Variants in TTLL11 observed in about 807,000 individuals in gnomAD.
TTLL11 encodes the protein tubulin polyglutamylase TTLL11.
In TTLL11, 42 loss-of-function variants were observed where a neutral mutation model predicts 51.7. The ratio of observed to expected loss-of-function variants is 0.81; its 90% CI spans 0.64 to 1.05. TTLL11 has a LOEUF of 1.05. TTLL11 is among the 50% of genes least tolerant of loss of function. TTLL11 has a pLI of 0.00. For synonymous variants in TTLL11, 381 were observed against 383.5 expected, an observed-to-expected ratio of 0.99 and a Z score of 0.08; for missense variants, 799 against 940.4, an observed-to-expected ratio of 0.85 and a Z score of 1.97.
intron 6 of TTLL11, among the ~76,000 whole-genome samples, chr9:121,904,140 A>G (rs570598396): frequency 2.6e-5 from 4 of 152,030 alleles, no homozygotes; most frequent in Admixed American, 2.6e-4. Flanking sequence ...CATAATGATC[A>G]TCCAAGGGAC....
chr9:122,073,875 T>C (rs535034809), intron 1 of TTLL11, among the ~76,000 whole-genome samples: 3 of 152,322 alleles, frequency 2.0e-5, no homozygotes, highest in East Asian at 1.9e-4. Context: ...ATACTTCCAA[T>C]AGGGCTCTTA....
chr9:121,865,242 A>G (rs982464335), intron 7 of TTLL11, among the ~76,000 whole-genome samples: 6 of 152,176 alleles, frequency 3.9e-5, no homozygotes, highest in African/African-American at 1.4e-4. Flanking sequence ...GTTGCCTCTC[A>G]GAGAATAAAG....
At chr9:121,958,902 T>C (rs777660696) in intron 6 of TTLL11, among the ~76,000 whole-genome samples, 1 of 152,098 alleles carries the variant, frequency 6.6e-6, no homozygotes, top group Non-Finnish European at 1.5e-5. Context: ...AAGCAGGTGC[T>C]CTAGGGAAAC....
At chr9:121,941,626 G>A (rs1409330743) in intron 6 of TTLL11, among the ~76,000 whole-genome samples, 1 of 152,140 alleles carries the variant, frequency 6.6e-6, no homozygotes, top group Non-Finnish European at 1.5e-5. Flanking sequence ...GTAGAACTAG[G>A]AATGATGGTC....
At chr9:121,998,790 A>G (rs1170304326) in intron 3 of TTLL11, among the ~76,000 whole-genome samples, 1 of 152,090 alleles carries the variant, frequency 6.6e-6, no homozygotes, top group Non-Finnish European at 1.5e-5. Flanking sequence ...AAGACAGGCA[A>G]TAGCATTTTC....
chr9:122,052,307 G>A (rs1156502172), intron 1 of TTLL11, among the ~76,000 whole-genome samples: 1 of 152,184 alleles, frequency 6.6e-6, no homozygotes, highest in Non-Finnish European at 1.5e-5. Context: ...CTTGCCTATG[G>A]AAAATGGAGC....
At chr9:121,977,611 C>T (rs1395418216) in intron 4 of TTLL11, among the ~76,000 whole-genome samples, 1 of 152,058 alleles carries the variant, frequency 6.6e-6, no homozygotes, top group African/African-American at 2.4e-5. Flanking sequence ...TAAAATGGAA[C>T]TATGAATGTT....
At chr9:121,834,450 A>G (rs753417181) in intron 8 of TTLL11, among the ~76,000 whole-genome samples, 1 of 150,470 alleles carries the variant, frequency 6.6e-6, no homozygotes, top group Non-Finnish European at 1.5e-5. Context: ...CTGCATCTGT[A>G]AAGTGGGGAT....
intron 6 of TTLL11, among the ~76,000 whole-genome samples, chr9:121,886,136 A>G (rs1462696273): frequency 1.3e-5 from 2 of 152,172 alleles, no homozygotes; most frequent in Non-Finnish European, 2.9e-5. Context: ...AAAGCTCCAT[A>G]GAGTGTCTTA....
chr9:121,979,640 C>T (rs1446508149), intron 4 of TTLL11, among the ~76,000 whole-genome samples: 1 of 152,134 alleles, frequency 6.6e-6, no homozygotes. Context: ...CAAGTCTGTG[C>T]CACCTCTCAC....
chr9:121,934,285 G>A (rs10818612), intron 6 of TTLL11, among the ~76,000 whole-genome samples: 25,634 of 149,024 alleles, frequency 0.17, 2,242 homozygotes, highest in Middle Eastern at 0.2. Context: ...TCCATCTTGC[G>A]CTTTGGATCT....
At chr9:121,839,147 C>T (rs1166474113) in intron 8 of TTLL11, among the ~76,000 whole-genome samples, 2 of 152,234 alleles carry the variant, frequency 1.3e-5, no homozygotes, top group Admixed American at 6.5e-5. Flanking sequence ...CTCTGTCCTC[C>T]TCATTAAAAC....
At chr9:121,987,493 A>G (rs967863733) in intron 4 of TTLL11, among the ~76,000 whole-genome samples, 7 of 152,082 alleles carry the variant, frequency 4.6e-5, no homozygotes, top group Admixed American at 3.3e-4. Context: ...AGAATGTTCC[A>G]GCCTCATTCC....
At chr9:121,887,830 G>A (rs1361456702) in intron 6 of TTLL11, among the ~76,000 whole-genome samples, 1 of 152,048 alleles carries the variant, frequency 6.6e-6, no homozygotes, top group Admixed American at 6.5e-5. Flanking sequence ...TCCTTCCCTC[G>A]GCACACAGAT....
rs781610850 is a variant in TTLL11, at chr9:121,998,157, AT to A, written c.694-8388del. Among the ~76,000 whole-genome samples the A allele has an allele frequency of 3.9e-5, 6 of 152,318 alleles. No homozygotes were observed. In the East Asian group the frequency reaches 1.2e-3, roughly 29 times the overall value. On this transcript the variant is annotated intron_variant, in intron 3 of 8. Coordinates refer to ENST00000321582, the MANE Select transcript of TTLL11 (RefSeq NM_001139442.2). ...CACTTCCGAATGTATACGACTGGTT[AT>A]AGTCACAGGCGCTTCAGATCACTGG... is the stretch of plus-strand genomic sequence containing the variant.
chr9:121,935,734 T>C (rs752639004), intron 6 of TTLL11, among the ~76,000 whole-genome samples: 6 of 152,136 alleles, frequency 3.9e-5, no homozygotes, highest in Non-Finnish European at 7.3e-5. Flanking sequence ...AATTACAAAA[T>C]TGAGAGATCT....
At chr9:122,078,017 G>A (rs909970183) in intron 1 of TTLL11, among the ~76,000 whole-genome samples, 2 of 152,124 alleles carry the variant, frequency 1.3e-5, no homozygotes, top group Non-Finnish European at 2.9e-5. Context: ...TCATGAAAAT[G>A]TAAAATACAT....
At chr9:121,974,200 G>T in intron 5 of TTLL11, 76 bp from the exon 6 acceptor site, 1 of 1,012,284 alleles carries the variant, frequency 9.9e-7, no homozygotes, top group Admixed American at 2.8e-5. Flanking sequence ...TAGCTCCAGG[G>T]GTTATACTAG....
chr9:121,876,813 T>G (rs1467713333), intron 6 of TTLL11, among the ~76,000 whole-genome samples: 2 of 152,172 alleles, frequency 1.3e-5, no homozygotes, highest in African/African-American at 4.8e-5. Context: ...TGTACATTCT[T>G]GGATCTCACC....
Sources: gnomAD v4.1 joint callset for allele counts (sites outside exome capture counted in the v4.1 genomes callset) on GRCh38, gnomAD v4.1.1 for gene constraint, MANE v1.5 for transcripts, NCBI Gene and HGNC (gene_info 2026-07-23, HGNC 2026-07-21) for gene names.